The following ZMIZ2 variants were observed in gnomAD, a reference collection of about 807,000 sequenced individuals.
The protein encoded by ZMIZ2 is zinc finger MIZ domain-containing protein 2.
A neutral mutation model predicts 93.9 loss-of-function variants in ZMIZ2; 26 were observed. The observed-to-expected ratio is 0.28, with a 90% CI of 0.20 to 0.38. The LOEUF (loss-of-function observed/expected upper bound fraction) is 0.38, where lower values mean the gene tolerates loss of function less well. Ranked by LOEUF, ZMIZ2 falls within the 10% of genes least tolerant of loss-of-function variation. The probability of loss-of-function intolerance (pLI) is 1.00; values close to 1 mark genes in which losing one functional copy is unlikely to be tolerated. For synonymous variants in ZMIZ2, 485 were observed against 516.4 expected, an observed-to-expected ratio of 0.94 and a Z score of 0.82; for missense variants, 1,023 against 1,235.0, an observed-to-expected ratio of 0.83 and a Z score of 2.57.
At position 44,767,624 on chromosome 7, in the gene ZMIZ2, TC is replaced by T. The variant is rs760693432; in HGVS notation, c.*3del. 1.2e-6 allele frequency: 2 copies of T among 1,613,834 alleles called. No individual in the cohort carries two copies. The highest frequency in any genetic ancestry group is 2.2e-5 in the South Asian group (2 of 91,066). ...GCTTTCTCTGTTTGAGAACAACTGA[TC>T]CTGTGTTTACCCCAAGCCCGGCGGG... On this transcript the variant is annotated 3_prime_UTR_variant, in exon 19 of 19. Transcript: ENST00000309315.
In ZMIZ2 at chr7:44,756,446, G is replaced by A. The variant is rs1790598263; in HGVS notation, c.72G>A (p.Glu24=). The A allele has an allele frequency of 4.3e-6, 7 of 1,614,096 alleles. No individual in the cohort carries two copies. The highest frequency in any genetic ancestry group is 5.9e-6 in the Non-Finnish European group (7 of 1,180,020). The change falls in exon 3 of 19, where the codon GAG becomes GAA. Residue 24 remains glutamate (E), a synonymous_variant. Coordinates refer to ENST00000309315, the MANE Select transcript of ZMIZ2 (RefSeq NM_031449.4). ...APHGDGSFAY[E]SVPWQQSATQ... ...GCAGTGATGGTTCATTCGCATATGA[G>A]TCTGTGCCTTGGCAACAAAGCGCCA...
intron 6 of ZMIZ2, among the ~76,000 whole-genome samples, chr7:44,758,518 G>A (rs1790822288): frequency 6.6e-6 from 1 of 151,426 alleles, no homozygotes; most frequent in African/African-American, 2.4e-5. Context: ...TCTCATGCCT[G>A]TAATCCCAAC....
At chr7:44,767,187 C>T (rs1041832889) in intron 18 of ZMIZ2, among the ~76,000 whole-genome samples, 6 of 152,178 alleles carry the variant, frequency 3.9e-5, no homozygotes, top group Admixed American at 6.5e-5. Context: ...TGGGGCATCA[C>T]GGTGGGGATC....
chr7:44,756,203 TC>T lies in ZMIZ2; in HGVS notation c.-45del. The T allele has an allele frequency of 6.2e-7, 1 of 1,613,734 alleles. No homozygotes were observed. The highest frequency in any genetic ancestry group is 8.5e-7 in the Non-Finnish European group (1 of 1,179,836). On this transcript the variant is annotated 5_prime_UTR_variant, in exon 2 of 19. An upstream open reading frame in the 5' UTR gains an earlier in-frame stop. Coordinates refer to ENST00000309315, the MANE Select transcript of ZMIZ2 (RefSeq NM_031449.4). ...TGTCGGGCAGCCAGAGCAGCTGAGTTCCAGATAAAAACTGTCAGACCCGGCC... is the reference window on the plus strand; with the variant it reads ...TGTCGGGCAGCCAGAGCAGCTGAGTTCAGATAAAAACTGTCAGACCCGGCC...
intron 6 of ZMIZ2, 110 bp from the exon 7 acceptor site, chr7:44,759,171 C>T: frequency 1.9e-6 from 2 of 1,026,384 alleles, no homozygotes; most frequent in Non-Finnish European, 1.3e-6. Flanking sequence ...TCAAGGGAAC[C>T]AGGAAATCTC....
rs1583659570 is a variant in ZMIZ2, at chr7:44,765,860, C to T, written c.2242+281C>T. 8.2e-7 allele frequency: 1 copy of T among 1,212,444 alleles called. No individual in the cohort carries two copies. The allele number at this position is 1,212,444 out of a possible 1,614,324, so 75.1% of individuals were successfully genotyped here. On this transcript the variant is annotated intron_variant, in intron 16 of 18. Transcript: ENST00000309315. The surrounding 1 kb of genome is among the most constrained non-coding windows in gnomAD (Gnocchi z 4.1). ...AGGGGCTCCTGGCTGGAACACCTCACAGGACTGGCCCCATCTGGGGCCCCC... is the reference window on the plus strand; with the variant it reads ...AGGGGCTCCTGGCTGGAACACCTCATAGGACTGGCCCCATCTGGGGCCCCC...
intron 1 of ZMIZ2, among the ~76,000 whole-genome samples, chr7:44,751,283 G>C (rs1469617489): frequency 6.6e-6 from 1 of 152,232 alleles, no homozygotes; most frequent in Non-Finnish European, 1.5e-5. Context: ...ACAGTTCCTG[G>C]ACCAGCAGCA....
chr7:44,761,398 G>A lies in ZMIZ2; in HGVS notation c.1241-51G>A, dbSNP rs1167328368. On this transcript the variant is annotated intron_variant, in intron 9 of 18. Transcript: ENST00000309315. The surrounding 1 kb of genome is among the most constrained non-coding windows in gnomAD (Gnocchi z 5.8). ...CCGCTGCCCTCCTTGAGTGACACAA[G>A]ACGCTCTGGCTGGGGCAACCCAGCT... 2 of 1,594,224 alleles carry A rather than the reference G, an allele frequency of 1.3e-6. No individual in the cohort carries two copies. The highest frequency in any genetic ancestry group is 1.7e-5 in the Admixed American group (1 of 58,978).
Position 44,767,737 on chromosome 7 carries a change from A to C in ZMIZ2, c.*114A>C. 6.7e-6 allele frequency: 6 copies of C among 891,358 alleles called. No homozygotes were observed. The highest frequency in any genetic ancestry group is 1.1e-5 in the Non-Finnish European group (6 of 562,948). The allele number at this position is 891,358 out of a possible 1,614,324, so 55.2% of individuals were successfully genotyped here. ...TGGTCTTTCCCAAACCTCCCCCAAAACACACCTGGAGCCAGAGCCTTCTGC... is the reference window on the plus strand; with the variant it reads ...TGGTCTTTCCCAAACCTCCCCCAAACCACACCTGGAGCCAGAGCCTTCTGC... On this transcript the variant is annotated 3_prime_UTR_variant, in exon 19 of 19. Coordinates refer to ENST00000309315, the MANE Select transcript of ZMIZ2 (RefSeq NM_031449.4).
chr7:44,750,509 G>A (rs747770194), intron 1 of ZMIZ2, among the ~76,000 whole-genome samples: 42 of 152,186 alleles, frequency 2.8e-4, no homozygotes, highest in Non-Finnish European at 4.9e-4. Flanking sequence ...CAATCTTGGA[G>A]ACAGTGAGTC....
chr7:44,760,607 C>T lies in ZMIZ2; in HGVS notation c.1240+14C>T. 1 of 1,613,376 alleles carries T rather than the reference C, an allele frequency of 6.2e-7. No homozygotes were observed. The highest frequency in any genetic ancestry group is 8.5e-7 in the Non-Finnish European group (1 of 1,179,604). On this transcript the variant is annotated intron_variant, in intron 9 of 18. Transcript: ENST00000309315. ...CATCGCCCTCTGGTAAGTCTGTCCA[C>T]TCTTGGGACAGCGGGGTGACAAGGC...
At position 44,766,143 on chromosome 7, in the gene ZMIZ2, GC is replaced by G. The variant is rs1791682670; in HGVS notation, c.2243-17del. On this transcript the variant is annotated intron_variant, in intron 16 of 18. Transcript: ENST00000309315. This position sits in a 1 kb window ranked among gnomAD's most constrained non-coding sequence, Gnocchi z 4.4. ...GTGGCCTTCCCCAGCCCTCACCCAG[GC>G]CCCGACTCTCCTCTCACAGGTTCCA... is the stretch of plus-strand genomic sequence containing the variant. 3 of 1,602,242 alleles carry G rather than the reference GC, an allele frequency of 1.9e-6. No individual in the cohort carries two copies. The highest frequency in any genetic ancestry group is 2.7e-5 in the African/African-American group (2 of 74,620).
In ZMIZ2 at chr7:44,763,116, TA is replaced by T. The variant is rs1791373243; in HGVS notation, c.1702+131del. 7.0e-7 allele frequency: 1 copy of T among 1,434,332 alleles called. No homozygotes were observed. The highest frequency in any genetic ancestry group is 9.6e-7 in the Non-Finnish European group (1 of 1,043,568). The allele number at this position is 1,434,332 out of a possible 1,614,324, so 88.9% of individuals were successfully genotyped here. ...TCTCCTTGGACAGGTGGCTCTGCAG[TA>T]GGGGCAGTGGTTAGTTCCAGGTGGC... On this transcript the variant is annotated intron_variant, in intron 12 of 18. Coordinates refer to ENST00000309315, the MANE Select transcript of ZMIZ2 (RefSeq NM_031449.4). This position sits in a 1 kb window ranked among gnomAD's most constrained non-coding sequence, Gnocchi z 5.6.
rs374933029 is a variant in ZMIZ2, at chr7:44,765,359, C to T, written c.2022C>T (p.Ile674=). Residue 674 remains isoleucine (I), a synonymous_variant, in exon 16 of 19, where the codon ATC becomes ATT. Coordinates refer to ENST00000309315, the MANE Select transcript of ZMIZ2 (RefSeq NM_031449.4). This position sits in a 1 kb window ranked among gnomAD's most constrained non-coding sequence, Gnocchi z 4.1. Reference sequence around the variant, plus strand: ...GCTCTGACTATGAGGAGATCACCATCGACCCCACGTGCAGCTGGAAGCCAG... The same window carrying T: ...GCTCTGACTATGAGGAGATCACCATTGACCCCACGTGCAGCTGGAAGCCAG... ...IQNSDYEEIT[I]DPTCSWKPVP... is the part of the protein sequence containing the mutation. 48 of 1,613,512 alleles carry T rather than the reference C, an allele frequency of 3.0e-5. No homozygotes were observed. The East Asian group carries it at 3.6e-4, about 12-fold the overall frequency.
At position 44,760,667 on chromosome 7, in the gene ZMIZ2, G is replaced by C. The variant is rs900998461; in HGVS notation, c.1240+74G>C. ...CATGGGGGAATCACAGGACTCCAGA[G>C]AGTCCTGTAGGAGCTTGGGGGACAG... is the stretch of plus-strand genomic sequence containing the variant. On this transcript the variant is annotated intron_variant, in intron 9 of 18. Transcript: ENST00000309315. 1.9e-6 allele frequency: 3 copies of C among 1,562,920 alleles called. No individual in the cohort carries two copies. The African/African-American group carries it at 4.1e-5, about 21-fold the overall frequency.
In ZMIZ2 at chr7:44,756,259, A is replaced by G. The variant is rs746650922; in HGVS notation, c.10A>G (p.Met4Val). ...GGCTGCTCCATTGCCAATGAACTCC[A>G]TGAACCCCATGAAACCTGCCCTGCC... is the stretch of plus-strand genomic sequence containing the variant. MNS[M>V]NPMKPALPPA... Residue 4 changes from methionine (M) to valine (V), a missense_variant, in exon 2 of 19, where the codon ATG (methionine) becomes GTG (valine). Physicochemically the swap from Met to Val is conservative, Grantham distance 21. This residue lies in a region of ZMIZ2 where 656 missense variants were observed against 777.1 expected (regional missense o/e 0.84). Coordinates refer to ENST00000309315, the MANE Select transcript of ZMIZ2 (RefSeq NM_031449.4). The G allele has an allele frequency of 6.2e-6, 10 of 1,614,002 alleles. No homozygotes were observed. In the South Asian group the frequency reaches 7.7e-5, roughly 12 times the overall value.
Position 44,763,143 on chromosome 7 carries a change from C to G in ZMIZ2, c.1703-113C>G. On this transcript the variant is annotated intron_variant, in intron 12 of 18. Transcript: ENST00000309315. The surrounding 1 kb of genome is among the most constrained non-coding windows in gnomAD (Gnocchi z 5.6). ...GGGGCAGTGGTTAGTTCCAGGTGGC[C>G]CCTCAGAGCTGTCAGTGGGTCAGTG... is the stretch of plus-strand genomic sequence containing the variant. 1 of 1,505,192 alleles carries G rather than the reference C, an allele frequency of 6.6e-7. No homozygotes were observed. The highest frequency in any genetic ancestry group is 1.2e-5 in the South Asian group (1 of 80,172). 93.2% of individuals were successfully genotyped at this position (1,505,192 alleles called of 1,614,324 possible). A position where few individuals can be genotyped will look rare whatever the true frequency, so the allele number is the denominator to read the frequency against.
intron 4 of ZMIZ2, 36 bp from the exon 5 acceptor site, chr7:44,757,342 C>T (rs1166700680): frequency 6.3e-7 from 1 of 1,587,938 alleles, no homozygotes; most frequent in Non-Finnish European, 8.5e-7. Context: ...CTCATGAGCC[C>T]ACGCAGAGAG....
chr7:44,758,634 C>T (rs1028472055), intron 6 of ZMIZ2, among the ~76,000 whole-genome samples: 3 of 150,826 alleles, frequency 2.0e-5, no homozygotes, highest in African/African-American at 4.9e-5. Context: ...AAAATTAGGC[C>T]GGGCGCGGTG....
Sources: gnomAD v4.1 joint callset for allele counts (sites outside exome capture counted in the v4.1 genomes callset) on GRCh38, gnomAD v4.1.1 for gene constraint, gnomAD v4.1.1 regional missense constraint, Gnocchi (gnomAD v3.1) non-coding constraint, MANE v1.5 for transcripts, NCBI Gene and HGNC (gene_info 2026-07-23, HGNC 2026-07-21) for gene names.